ELF2: variants seen among roughly 807,000 people sequenced by gnomAD.
The protein encoded by ELF2 is E74 like ETS transcription factor 2, also known as ETS-related transcription factor Elf-2.
A neutral mutation model predicts 54.8 loss-of-function variants in ELF2; 11 were observed. That is an observed-to-expected ratio of 0.20 (90% CI 0.13 to 0.33). The LOEUF (loss-of-function observed/expected upper bound fraction) is 0.33, where lower values mean the gene tolerates loss of function less well. ELF2 is among the 10% of genes least tolerant of loss of function. The probability of loss-of-function intolerance (pLI) is 1.00; values close to 1 mark genes in which losing one functional copy is unlikely to be tolerated. For missense variants in ELF2, 513 were observed against 703.0 expected, an observed-to-expected ratio of 0.73 and a Z score of 3.06; for synonymous variants, 203 against 245.1, an observed-to-expected ratio of 0.83 and a Z score of 1.61.
intron 4 of ELF2, chr4:139,084,038 C>A: frequency 6.3e-7 from 1 of 1,596,560 alleles, no homozygotes; most frequent in South Asian, 1.1e-5. Flanking sequence ...ACACTGTACC[C>A]CCAGCACAGA....
chr4:139,061,063 G>A (rs1727772297), intron 8 of ELF2, among the ~76,000 whole-genome samples: 1 of 152,040 alleles, frequency 6.6e-6, no homozygotes, highest in African/African-American at 2.4e-5. Flanking sequence ...CACTTACTTA[G>A]TAGAGATATG....
intron 1 of ELF2, among the ~76,000 whole-genome samples, chr4:139,149,139 G>A (rs186792598): frequency 1.6e-4 from 25 of 152,140 alleles, no homozygotes; most frequent in African/African-American, 5.5e-4. Flanking sequence ...GCAAATAAAC[G>A]GCATAGGAAT....
chr4:139,063,130 C>T (rs1170614717), intron 7 of ELF2, among the ~76,000 whole-genome samples: 1 of 152,030 alleles, frequency 6.6e-6, no homozygotes, highest in Admixed American at 6.6e-5. Flanking sequence ...TGGTGGCGTG[C>T]ACCTGTAATC....
chr4:139,089,645 T>G (rs1293214066), intron 4 of ELF2, among the ~76,000 whole-genome samples: 1 of 152,230 alleles, frequency 6.6e-6, no homozygotes, highest in Non-Finnish European at 1.5e-5. Flanking sequence ...AAATGTATTT[T>G]TTAATCATTC....
intron 1 of ELF2, among the ~76,000 whole-genome samples, chr4:139,155,762 T>A (rs1167975448): frequency 1.3e-5 from 2 of 152,194 alleles, no homozygotes; most frequent in Non-Finnish European, 2.9e-5. Context: ...AAAATGAGAA[T>A]GAGGTCGTTT....
chr4:139,121,139 T>C lies in ELF2; in HGVS notation c.238+4025A>G, dbSNP rs370350014. On this transcript the variant is annotated intron_variant, in intron 4 of 9. Coordinates refer to ENST00000686138, the MANE Select transcript of ELF2 (RefSeq NM_001331036.3). ...TTTTTTTTTTTTTGAGACGGAGTCT[T>C]GCTCTGTCGCCCAGGCTGGAGTGCA... Among the ~76,000 whole-genome samples, 879 of 138,114 alleles carry C rather than the reference T, an allele frequency of 6.4e-3. 5 individuals are homozygous for C. Among genetic ancestry groups the C allele is most frequent in the South Asian group, 0.018 (74 of 4,106 alleles). 90.6% of individuals were successfully genotyped at this position (138,114 alleles called of 152,430 possible). A position where few individuals can be genotyped will look rare whatever the true frequency, so the allele number is the denominator to read the frequency against.
chr4:139,177,245 G>A (rs1332151295), upstream of ELF2: 5 of 44,034 alleles, frequency 1.1e-4, no homozygotes, highest in Non-Finnish European at 2.4e-4. Context: ...CTCCGCTCCC[G>A]GCCCCCTCCC....
intron 1 of ELF2, among the ~76,000 whole-genome samples, chr4:139,148,040 C>T (rs1739428451): frequency 6.6e-6 from 1 of 151,606 alleles, no homozygotes; most frequent in South Asian, 2.1e-4. Context: ...CCTGCCTCAG[C>T]CTCCCAAAAT....
At chr4:139,160,098 G>A (rs1018774285) in intron 1 of ELF2, among the ~76,000 whole-genome samples, 13 of 152,212 alleles carry the variant, frequency 8.5e-5, no homozygotes, top group African/African-American at 2.9e-4. Flanking sequence ...AGCACTTTGG[G>A]AGGCCAAGGC....
chr4:139,077,251 A>C (rs1730436554), intron 4 of ELF2, among the ~76,000 whole-genome samples: 1 of 152,192 alleles, frequency 6.6e-6, no homozygotes, highest in Non-Finnish European at 1.5e-5. Flanking sequence ...AAAAATCCAA[A>C]ATGCTTTAAT....
chr4:139,100,215 T>A (rs147827802), intron 4 of ELF2, among the ~76,000 whole-genome samples: 32 of 152,330 alleles, frequency 2.1e-4, no homozygotes, highest in African/African-American at 7.5e-4. Flanking sequence ...TGTTAATATG[T>A]AAAACCCTAA....
intron 4 of ELF2, among the ~76,000 whole-genome samples, chr4:139,102,957 C>T (rs527633280): frequency 4.6e-5 from 7 of 152,106 alleles, no homozygotes; most frequent in Non-Finnish European, 2.9e-5. Flanking sequence ...CAGCTCACTG[C>T]AGCCTTGACC....
At chr4:139,114,824 C>T (rs1327605034) in intron 4 of ELF2, 6 of 1,569,394 alleles carry the variant, frequency 3.8e-6, no homozygotes, top group Non-Finnish European at 3.5e-6. Context: ...GAGCCCTGCT[C>T]ATGGCACCAG....
intron 4 of ELF2, among the ~76,000 whole-genome samples, chr4:139,076,302 C>T (rs181664409): frequency 2.0e-5 from 3 of 152,302 alleles, no homozygotes; most frequent in East Asian, 1.9e-4. Context: ...CTCTTATCTG[C>T]AGCTTCACTG....
At chr4:139,155,170 C>CCATGT (rs1363964937) in intron 1 of ELF2, 3 of 152,384 alleles carry the variant, frequency 2.0e-5, no homozygotes, top group African/African-American at 7.2e-5. Context: ...CACACCCATG[C>CCATGT]AGTCTCAGCT....
At chr4:139,070,161 C>T (rs574409469) in intron 6 of ELF2, among the ~76,000 whole-genome samples, 1 of 151,788 alleles carries the variant, frequency 6.6e-6, no homozygotes, top group Admixed American at 6.6e-5. Flanking sequence ...TTTAAATGGT[C>T]ACTAAGAGCT....
At chr4:139,148,380 T>C (rs1041394873) in intron 1 of ELF2, among the ~76,000 whole-genome samples, 2 of 133,486 alleles carry the variant, frequency 1.5e-5, no homozygotes, top group Non-Finnish European at 3.1e-5. Flanking sequence ...TTGCCCAGGC[T>C]GATCTCAAAT....
chr4:139,091,680 T>C (rs566990852), intron 4 of ELF2, among the ~76,000 whole-genome samples: 6 of 151,958 alleles, frequency 3.9e-5, no homozygotes, highest in African/African-American at 9.7e-5. Context: ...GTGGGAGGAT[T>C]ACTTGCCCAG....
intron 4 of ELF2, among the ~76,000 whole-genome samples, chr4:139,083,627 T>C (rs974392395): frequency 1.3e-5 from 2 of 152,160 alleles, no homozygotes; most frequent in Non-Finnish European, 2.9e-5. Context: ...CATGGAATTG[T>C]GGACGAAGTC....
Sources: allele counts gnomAD v4.1 joint callset (sites outside exome capture counted in the v4.1 genomes callset), GRCh38; gene constraint gnomAD v4.1.1; transcripts MANE v1.5; gene names NCBI Gene and HGNC (gene_info 2026-07-23, HGNC 2026-07-21).